The following COP1 variants were observed in gnomAD, a reference collection of about 807,000 sequenced individuals.
COP1 encodes the protein E3 ubiquitin-protein ligase COP1.
Under a neutral mutation model 101.3 loss-of-function variants are expected in COP1, and 24 were observed. The observed-to-expected ratio is 0.24, with a 90% CI of 0.17 to 0.33. COP1 has a LOEUF of 0.33. Ranked by LOEUF, COP1 falls within the 10% of genes least tolerant of loss-of-function variation. COP1 has a pLI of 1.00. For synonymous variants in COP1, 347 were observed against 341.9 expected, an observed-to-expected ratio of 1.01 and a Z score of -0.17; for missense variants, 663 against 906.2, an observed-to-expected ratio of 0.73 and a Z score of 3.45.
chr1:176,055,161 C>G (rs1406217956), intron 11 of COP1, among the ~76,000 whole-genome samples: 1 of 152,240 alleles, frequency 6.6e-6, no homozygotes, highest in Non-Finnish European at 1.5e-5. Context: ...AGGCTGGGTG[C>G]AGTGGCTCAA....
chr1:175,999,585 G>C (rs1228653379), intron 15 of COP1, among the ~76,000 whole-genome samples: 3 of 152,016 alleles, frequency 2.0e-5, no homozygotes, highest in Non-Finnish European at 2.9e-5. Context: ...AATGCAGATA[G>C]CTCTTTCATA....
At chr1:176,111,336 C>G (rs919920601) in intron 9 of COP1, among the ~76,000 whole-genome samples, 1 of 151,924 alleles carries the variant, frequency 6.6e-6, no homozygotes, top group Non-Finnish European at 1.5e-5. Flanking sequence ...GCTCTGTTGC[C>G]AGGCTGGAGT....
At chr1:176,157,150 C>T (rs1181259743) in intron 5 of COP1, among the ~76,000 whole-genome samples, 3 of 151,910 alleles carry the variant, frequency 2.0e-5, no homozygotes, top group Admixed American at 6.6e-5. Context: ...GCAGAGATCA[C>T]GCCACTGCAC....
At position 176,092,322 on chromosome 1, in the gene COP1, A is replaced by G. The variant is rs139990310; in HGVS notation, c.1027-6432T>C. On this transcript the variant is annotated intron_variant, in intron 9 of 19. Coordinates refer to ENST00000367669, the MANE Select transcript of COP1 (RefSeq NM_022457.7). ...TATGTTACTGGATAATATGTTTACA[A>G]TCTTGAGAAAGGGCAGAATTTCTTA... Among the ~76,000 whole-genome samples, 424 of 152,292 alleles carry G rather than the reference A, an allele frequency of 2.8e-3. 1 individual carries two copies. Among genetic ancestry groups the G allele is most frequent in the African/African-American group, 9.8e-3 (407 of 41,580 alleles).
chr1:176,174,304 T>A (rs1696602471), intron 3 of COP1, among the ~76,000 whole-genome samples: 2 of 152,128 alleles, frequency 1.3e-5, no homozygotes, highest in African/African-American at 2.4e-5. Context: ...GCAGCATCAA[T>A]CCAAATTTAC....
At chr1:176,040,141 T>A (rs1223965771) in intron 14 of COP1, among the ~76,000 whole-genome samples, 1 of 152,118 alleles carries the variant, frequency 6.6e-6, no homozygotes, top group African/African-American at 2.4e-5. Flanking sequence ...TAAAGAACAC[T>A]ATAAAAAAAC....
chr1:175,991,012 A>C (rs1658305517), intron 15 of COP1, among the ~76,000 whole-genome samples: 1 of 152,120 alleles, frequency 6.6e-6, no homozygotes, highest in African/African-American at 2.4e-5. Context: ...GAAATCAAAA[A>C]ATCCCAAATC....
chr1:176,004,651 C>A (rs1662636653), intron 15 of COP1, among the ~76,000 whole-genome samples: 1 of 151,636 alleles, frequency 6.6e-6, no homozygotes, highest in Non-Finnish European at 1.5e-5. Flanking sequence ...TGCTGGATTA[C>A]ATTTATTGAT....
chr1:176,057,063 T>C (rs1177898364), intron 11 of COP1, among the ~76,000 whole-genome samples: 1 of 152,198 alleles, frequency 6.6e-6, no homozygotes, highest in African/African-American at 2.4e-5. Context: ...TAACTGAGCA[T>C]AGAAATGAAA....
chr1:175,999,791 G>GATA (rs1661157206), intron 15 of COP1, among the ~76,000 whole-genome samples: 1 of 151,876 alleles, frequency 6.6e-6, no homozygotes, highest in Non-Finnish European at 1.5e-5. Flanking sequence ...CTAACTTTTG[G>GATA]ATAAGTCATT....
At chr1:176,134,680 A>G (rs1689510541) in intron 8 of COP1, among the ~76,000 whole-genome samples, 2 of 152,042 alleles carry the variant, frequency 1.3e-5, no homozygotes, top group Admixed American at 6.6e-5. Flanking sequence ...CCCTAATATT[A>G]CCACTTCATG....
intron 11 of COP1, among the ~76,000 whole-genome samples, chr1:176,049,414 T>G (rs992645348): frequency 6.2e-4 from 94 of 152,196 alleles, no homozygotes; most frequent in African/African-American, 2.2e-3. Flanking sequence ...TATTAAGGTA[T>G]CAAGAACCTG....
At chr1:175,992,713 C>G (rs529482061) in intron 15 of COP1, among the ~76,000 whole-genome samples, 1 of 152,240 alleles carries the variant, frequency 6.6e-6, no homozygotes, top group Non-Finnish European at 1.5e-5. Flanking sequence ...TGCCATTGCC[C>G]AGGCTTGCTT....
At chr1:176,127,248 T>C (rs1183478445) in intron 8 of COP1, among the ~76,000 whole-genome samples, 2 of 152,112 alleles carry the variant, frequency 1.3e-5, no homozygotes, top group Non-Finnish European at 1.5e-5. Context: ...AAACATACAA[T>C]TTATTATTAT....
intron 3 of COP1, among the ~76,000 whole-genome samples, chr1:176,166,473 GT>G (rs761427760): frequency 6.6e-6 from 1 of 152,136 alleles, no homozygotes; most frequent in Non-Finnish European, 1.5e-5. Context: ...ACAAAATAAA[GT>G]TACAGCAAAT....
Position 175,974,070 on chromosome 1 carries a change from C to T in COP1, c.2133+12873G>A, listed in dbSNP as rs542611862. 2.6e-5 allele frequency among the ~76,000 whole-genome samples: 4 copies of T among 152,168 alleles called. No homozygotes were observed. In the East Asian group the frequency reaches 7.7e-4, roughly 29 times the overall value. The stretch of plus-strand genomic sequence containing the variant: ...TAAAGTTTAGATCTTATTCTGTAAC[C>T]ATTGGGGAAACACTAACAGATTTTA... On this transcript the variant is annotated intron_variant, in intron 18 of 19. Transcript: ENST00000367669.
At chr1:176,008,348 T>G (rs1189460778) in intron 15 of COP1, among the ~76,000 whole-genome samples, 2 of 152,234 alleles carry the variant, frequency 1.3e-5, no homozygotes, top group African/African-American at 4.8e-5. Flanking sequence ...CTGTTCCTAT[T>G]CGGCCATCTT....
At chr1:176,025,241 G>A (rs1315899016) in intron 15 of COP1, among the ~76,000 whole-genome samples, 2 of 152,024 alleles carry the variant, frequency 1.3e-5, no homozygotes, top group Admixed American at 6.6e-5. Context: ...GAAATAGATG[G>A]GGGAGGATGC....
intron 9 of COP1, among the ~76,000 whole-genome samples, chr1:176,104,454 A>C (rs1197525529): frequency 6.6e-6 from 1 of 152,176 alleles, no homozygotes; most frequent in Non-Finnish European, 1.5e-5. Context: ...TTGAACCCAA[A>C]AAGTCAAGCA....
Sources: gnomAD v4.1 joint callset for allele counts (sites outside exome capture counted in the v4.1 genomes callset) on GRCh38, gnomAD v4.1.1 for gene constraint, MANE v1.5 for transcripts, NCBI Gene and HGNC (gene_info 2026-07-23, HGNC 2026-07-21) for gene names.